The following RAB31 variants were observed in gnomAD, a reference collection of about 807,000 sequenced individuals.
RAB31 encodes the protein ras-related protein Rab-31.
In RAB31, 21 loss-of-function variants were observed where a neutral mutation model predicts 25.6. The ratio of observed to expected loss-of-function variants is 0.82; its 90% confidence interval spans 0.58 to 1.18. RAB31 has a LOEUF of 1.18. Ranked by LOEUF, RAB31 falls within the 50% of genes most tolerant of loss-of-function variation. The probability of loss-of-function intolerance (pLI) is 0.00; values close to 1 mark genes in which losing one functional copy is unlikely to be tolerated. For synonymous variants in RAB31, 87 were observed against 84.0 expected, an observed-to-expected ratio of 1.04 and a Z score of -0.20; for missense variants, 196 against 250.1, an observed-to-expected ratio of 0.78 and a Z score of 1.46.
chr18:9,843,297 C>A (rs1012428592), intron 5 of RAB31, among the ~76,000 whole-genome samples: 35 of 152,104 alleles, frequency 2.3e-4, no homozygotes, highest in Admixed American at 2.6e-4. Context: ...GTAATCCCAG[C>A]ACTTTGGGAG....
chr18:9,742,859 A>G (rs2068186777), intron 1 of RAB31, among the ~76,000 whole-genome samples: 1 of 152,250 alleles, frequency 6.6e-6, no homozygotes, highest in Admixed American at 6.5e-5. Flanking sequence ...GGGTGGAGCC[A>G]CAACTTGGCT....
chr18:9,748,668 G>C (rs907337293), intron 1 of RAB31, among the ~76,000 whole-genome samples: 7 of 151,952 alleles, frequency 4.6e-5, no homozygotes, highest in African/African-American at 1.7e-4. Flanking sequence ...CGAGGCGGGC[G>C]GATCACGAGC....
At chr18:9,844,475 G>A (rs937861706) in intron 5 of RAB31, among the ~76,000 whole-genome samples, 1 of 152,016 alleles carries the variant, frequency 6.6e-6, no homozygotes, top group African/African-American at 2.4e-5. Context: ...ATCTTCCTGG[G>A]GTCTATTGAA....
chr18:9,823,556 C>T (rs1347758364), intron 5 of RAB31, among the ~76,000 whole-genome samples: 1 of 152,028 alleles, frequency 6.6e-6, no homozygotes, highest in Non-Finnish European at 1.5e-5. Context: ...CTGTTTCTTA[C>T]AACTGCATGT....
At chr18:9,789,175 A>G (rs192238493) in intron 2 of RAB31, among the ~76,000 whole-genome samples, 37 of 152,324 alleles carry the variant, frequency 2.4e-4, no homozygotes, top group African/African-American at 8.9e-4. Flanking sequence ...CAAGAGCTGA[A>G]AAAAAAGAGC....
chr18:9,849,445 C>A (rs138231368), intron 6 of RAB31, among the ~76,000 whole-genome samples: 1 of 152,148 alleles, frequency 6.6e-6, no homozygotes, highest in Non-Finnish European at 1.5e-5. Flanking sequence ...TGAAGAACAG[C>A]AAATTAGACA....
intron 1 of RAB31, among the ~76,000 whole-genome samples, chr18:9,735,138 C>T (rs535465706): frequency 5.9e-5 from 9 of 152,214 alleles, no homozygotes; most frequent in Non-Finnish European, 1.0e-4. Context: ...CTGTCTCAGC[C>T]TCTCAAGTAG....
At chr18:9,799,794 A>C (rs1034314132) in intron 3 of RAB31, among the ~76,000 whole-genome samples, 1 of 152,194 alleles carries the variant, frequency 6.6e-6, no homozygotes, top group Non-Finnish European at 1.5e-5. Flanking sequence ...ATGTTTTTTG[A>C]AAAATTTAAC....
chr18:9,777,098 T>C (rs1383615556), intron 2 of RAB31, among the ~76,000 whole-genome samples: 1 of 152,160 alleles, frequency 6.6e-6, no homozygotes, highest in Non-Finnish European at 1.5e-5. Flanking sequence ...TTCTAGCTCT[T>C]TGGGAGGCCT....
Position 9,766,956 on chromosome 18 carries a change from C to T in RAB31, c.40-8322C>T, listed in dbSNP as rs1308821241. Among the ~76,000 whole-genome samples, 2 of 151,898 alleles carry T rather than the reference C, an allele frequency of 1.3e-5. No homozygotes were observed. The highest frequency in any genetic ancestry group is 4.8e-5 in the African/African-American group (2 of 41,272). On this transcript the variant is annotated intron_variant, in intron 1 of 6. Coordinates refer to ENST00000578921, the MANE Select transcript of RAB31 (RefSeq NM_006868.4). This position sits in a 1 kb window ranked among gnomAD's most constrained non-coding sequence, Gnocchi z 4.3. Reference sequence around the variant, plus strand: ...TGGGTGACAGAGTGAGATCTTGTCTCAAAACAAACAAACAAAACCCCAAAC... The same window carrying T: ...TGGGTGACAGAGTGAGATCTTGTCTTAAAACAAACAAACAAAACCCCAAAC...
At chr18:9,807,074 T>C (rs1355039910) in intron 3 of RAB31, among the ~76,000 whole-genome samples, 1 of 152,138 alleles carries the variant, frequency 6.6e-6, no homozygotes, top group Non-Finnish European at 1.5e-5. Context: ...CGAACTTTGC[T>C]CGGACAGGAG....
At position 9,775,258 on chromosome 18, in the gene RAB31, G is replaced by A; in HGVS notation, c.40-20G>A. On this transcript the variant is annotated intron_variant, in intron 1 of 6. Coordinates refer to ENST00000578921, the MANE Select transcript of RAB31 (RefSeq NM_006868.4). ...GTTGCCGCCCTTCATCTTCACGGTT[G>A]TATCCTCATTCTTTCCTAGGACACT... The A allele has an allele frequency of 1.9e-6, 3 of 1,613,660 alleles. No homozygotes were observed. The highest frequency in any genetic ancestry group is 2.5e-6 in the Non-Finnish European group (3 of 1,179,688).
chr18:9,800,864 T>TG (rs2068510828), intron 3 of RAB31, among the ~76,000 whole-genome samples: 1 of 152,214 alleles, frequency 6.6e-6, no homozygotes, highest in African/African-American at 2.4e-5. Flanking sequence ...GTACGCACCT[T>TG]GGTGGGTTCT....
intron 5 of RAB31, among the ~76,000 whole-genome samples, chr18:9,841,072 A>C (rs2068731059): frequency 6.6e-6 from 1 of 152,036 alleles, no homozygotes; most frequent in Admixed American, 6.5e-5. Flanking sequence ...CTGAGTCCAC[A>C]AGCACACACC....
intron 1 of RAB31, among the ~76,000 whole-genome samples, chr18:9,713,217 T>C (rs1352822977): frequency 4.6e-5 from 7 of 152,126 alleles, no homozygotes. Flanking sequence ...GGATAGTGGG[T>C]TGGGCTAGGT....
At chr18:9,763,529 T>A (rs1054841945) in intron 1 of RAB31, among the ~76,000 whole-genome samples, 1 of 151,318 alleles carries the variant, frequency 6.6e-6, no homozygotes, top group African/African-American at 2.4e-5. Context: ...ATATGATACA[T>A]CTGTAGAAAG....
chr18:9,721,460 T>TA (rs1281447032), intron 1 of RAB31, among the ~76,000 whole-genome samples: 2 of 151,774 alleles, frequency 1.3e-5, no homozygotes, highest in African/African-American at 4.8e-5. Context: ...CCAAAAAATA[T>TA]AAAAAATTAG....
intron 1 of RAB31, among the ~76,000 whole-genome samples, chr18:9,762,413 C>T (rs900833299): frequency 3.3e-5 from 5 of 152,156 alleles, no homozygotes; most frequent in Admixed American, 6.5e-5. Context: ...ATATGATCTG[C>T]GAATGCTCCC....
chr18:9,728,432 T>C (rs1035569776), intron 1 of RAB31, among the ~76,000 whole-genome samples: 12 of 152,242 alleles, frequency 7.9e-5, no homozygotes, highest in Admixed American at 7.2e-4. Flanking sequence ...TAAAAAGATA[T>C]TGCAAAATTA....
Sources: allele counts gnomAD v4.1 joint callset (sites outside exome capture counted in the v4.1 genomes callset), GRCh38; gene constraint gnomAD v4.1.1; non-coding constraint Gnocchi (gnomAD v3.1); transcripts MANE v1.5; gene names NCBI Gene and HGNC (gene_info 2026-07-23, HGNC 2026-07-21).